Variants in TAFA1 observed in about 807,000 individuals in gnomAD.
TAFA1 encodes TAFA chemokine like family member 1, also known as chemokine-like protein TAFA-1.
Under a neutral mutation model 18.5 loss-of-function variants are expected in TAFA1, and 4 were observed. The ratio of observed to expected loss-of-function variants is 0.22; its 90% CI spans 0.11 to 0.49. TAFA1 has a LOEUF of 0.49. TAFA1 is among the 20% of genes least tolerant of loss of function. The probability of loss-of-function intolerance (pLI) is 0.98; values close to 1 mark genes in which losing one functional copy is unlikely to be tolerated. For synonymous variants in TAFA1, 56 were observed against 55.2 expected (o/e 1.01, Z -0.06); for missense variants, 147 against 169.0 (o/e 0.87, Z 0.72).
chr3:68,392,608 G>A (rs1006727192), intron 2 of TAFA1, among the ~76,000 whole-genome samples: 2 of 152,014 alleles, frequency 1.3e-5, no homozygotes, highest in African/African-American at 4.8e-5. Context: ...CACATACTTG[G>A]AAATAAAACA....
chr3:67,995,156 T>G, the TAFA1 span, among the ~76,000 whole-genome samples: 1 of 152,244 alleles, frequency 6.6e-6, no homozygotes, highest in Non-Finnish European at 1.5e-5. Context: ...CTTAAATCTG[T>G]TAAACACAGA....
intron 2 of TAFA1, among the ~76,000 whole-genome samples, chr3:68,344,827 C>T (rs1019541678): frequency 4.6e-5 from 7 of 152,028 alleles, no homozygotes; most frequent in Admixed American, 3.9e-4. Flanking sequence ...TTATTAGGTT[C>T]TTTTATTATT....
intron 2 of TAFA1, among the ~76,000 whole-genome samples, chr3:68,025,058 T>C (rs1366772888): frequency 6.6e-6 from 1 of 152,104 alleles, no homozygotes; most frequent in Non-Finnish European, 1.5e-5. Context: ...ATGTTTTTAA[T>C]TATAAAACAG....
rs1237526589 is a variant in TAFA1, at chr3:68,237,347, A to C, written c.119-179933A>C. 2.6e-5 allele frequency among the ~76,000 whole-genome samples: 4 copies of C among 152,304 alleles called. No homozygotes were observed. The East Asian group carries it at 7.7e-4, about 29-fold the overall frequency. On this transcript the variant is annotated intron_variant, in intron 2 of 4. Coordinates refer to ENST00000478136, the MANE Select transcript of TAFA1 (RefSeq NM_213609.4). ...CACCTAATCACCTCCCCAAGGTTTC[A>C]CCTTCTAGTATAATCACCTTGGAAG... is the stretch of plus-strand genomic sequence containing the variant.
At chr3:68,271,463 AT>A (rs769212652) in intron 2 of TAFA1, among the ~76,000 whole-genome samples, 3 of 152,188 alleles carry the variant, frequency 2.0e-5, no homozygotes, top group Non-Finnish European at 2.9e-5. Context: ...AACAAGGATG[AT>A]TTCCCTAGTA....
chr3:68,296,399 T>A (rs1453194964), intron 2 of TAFA1, among the ~76,000 whole-genome samples: 1 of 152,194 alleles, frequency 6.6e-6, no homozygotes, highest in African/African-American at 2.4e-5. Context: ...TCCCTTGAAA[T>A]CTCTATTTAG....
At chr3:68,416,929 T>A (rs182099599) in intron 2 of TAFA1, among the ~76,000 whole-genome samples, 3 of 152,284 alleles carry the variant, frequency 2.0e-5, no homozygotes, top group Admixed American at 1.3e-4. Context: ...GAATCTTAAA[T>A]GTGATGATAA....
chr3:68,094,379 C>A (rs1328226201), intron 2 of TAFA1, among the ~76,000 whole-genome samples: 1 of 152,070 alleles, frequency 6.6e-6, no homozygotes, highest in Non-Finnish European at 1.5e-5. Context: ...GGTCCACAGG[C>A]AGGGCTCTTA....
chr3:68,222,430 C>A (rs1010284243), intron 2 of TAFA1, among the ~76,000 whole-genome samples: 1 of 152,088 alleles, frequency 6.6e-6, no homozygotes, highest in Non-Finnish European at 1.5e-5. Context: ...AGAGTGAGAC[C>A]ATTTTTCTTC....
chr3:68,038,721 G>A (rs1468304247), intron 2 of TAFA1, among the ~76,000 whole-genome samples: 1 of 151,878 alleles, frequency 6.6e-6, no homozygotes, highest in Non-Finnish European at 1.5e-5. Context: ...CGTCAGAAAA[G>A]CAATGACATT....
At chr3:68,534,597 C>A (rs1485593049) in intron 3 of TAFA1, among the ~76,000 whole-genome samples, 3 of 152,066 alleles carry the variant, frequency 2.0e-5, no homozygotes, top group Non-Finnish European at 4.4e-5. Flanking sequence ...GAAGAGGCAA[C>A]TCTAATGTGA....
intron 2 of TAFA1, among the ~76,000 whole-genome samples, chr3:68,412,673 A>G (rs2070739071): frequency 6.6e-6 from 1 of 152,056 alleles, no homozygotes; most frequent in African/African-American, 2.4e-5. Context: ...GATGGTTTCC[A>G]GCTTCATCCA....
At chr3:68,399,903 A>T (rs2070456031) in intron 2 of TAFA1, among the ~76,000 whole-genome samples, 1 of 152,208 alleles carries the variant, frequency 6.6e-6, no homozygotes, top group African/African-American at 2.4e-5. Flanking sequence ...GGCTGGGTTC[A>T]TCTATACCGC....
At chr3:68,391,202 C>T (rs1559648146) in intron 2 of TAFA1, among the ~76,000 whole-genome samples, 1 of 152,098 alleles carries the variant, frequency 6.6e-6, no homozygotes, top group Admixed American at 6.6e-5. Context: ...AGCGTGAGAA[C>T]TTTGTGAAGC....
At chr3:68,541,829 G>A (rs556334717) in intron 4 of TAFA1, among the ~76,000 whole-genome samples, 11 of 152,194 alleles carry the variant, frequency 7.2e-5, no homozygotes, top group African/African-American at 1.7e-4. Flanking sequence ...TCTTTTGTAG[G>A]TTACTTCCAA....
intron 3 of TAFA1, among the ~76,000 whole-genome samples, chr3:68,484,249 T>C (rs1340695952): frequency 6.6e-6 from 1 of 152,224 alleles, no homozygotes; most frequent in Non-Finnish European, 1.5e-5. Context: ...CCAGCCACCT[T>C]TCCAGGGCTC....
At chr3:68,387,615 G>T (rs1401679828) in intron 2 of TAFA1, among the ~76,000 whole-genome samples, 1 of 152,102 alleles carries the variant, frequency 6.6e-6, no homozygotes. Context: ...GCATGATGAT[G>T]TATTAGATTG....
the TAFA1 span, among the ~76,000 whole-genome samples, chr3:67,991,832 T>C: frequency 6.6e-6 from 1 of 152,228 alleles, no homozygotes; most frequent in African/African-American, 2.4e-5. Flanking sequence ...ATAAATCTCC[T>C]CATATGTCTA....
At chr3:68,309,223 A>G (rs1220295436) in intron 2 of TAFA1, among the ~76,000 whole-genome samples, 2 of 152,172 alleles carry the variant, frequency 1.3e-5, no homozygotes, top group Non-Finnish European at 2.9e-5. Context: ...GAACATACAA[A>G]GCATACGATA....
Sources: gnomAD v4.1 joint callset for allele counts (sites outside exome capture counted in the v4.1 genomes callset) on GRCh38, gnomAD v4.1.1 for gene constraint, MANE v1.5 for transcripts, NCBI Gene and HGNC (gene_info 2026-07-23, HGNC 2026-07-21) for gene names.